The following PPM1H variants were observed in gnomAD, a reference collection of about 807,000 sequenced individuals.
PPM1H encodes the protein protein phosphatase, Mg2+/Mn2+ dependent 1H, also known as protein phosphatase 1H.
Under a neutral mutation model 54.9 loss-of-function variants are expected in PPM1H, and 27 were observed. That is an observed-to-expected ratio of 0.49 (90% confidence interval 0.36 to 0.68). The LOEUF is 0.68. Among genes scored for constraint, PPM1H ranks in the 30% least tolerant of loss-of-function variants. The pLI, the probability that PPM1H is intolerant of heterozygous loss-of-function variation, is 0.00. For missense variants in PPM1H, 596 were observed against 667.8 expected (o/e 0.89, Z 1.19); for synonymous variants, 305 against 270.8 (o/e 1.13, Z -1.24).
intron 8 of PPM1H, among the ~76,000 whole-genome samples, chr12:62,686,144 C>G (rs2076050108): frequency 6.6e-6 from 1 of 152,214 alleles, no homozygotes; most frequent in South Asian, 2.1e-4. Flanking sequence ...TCACCAACCA[C>G]CTGGGATTCT....
chr12:62,740,712 T>G (rs998884468), intron 4 of PPM1H, among the ~76,000 whole-genome samples: 1 of 152,226 alleles, frequency 6.6e-6, no homozygotes, highest in African/African-American at 2.4e-5. Context: ...GCCAGGCCAT[T>G]GTAGGCAGGG....
At chr12:62,800,706 T>C (rs1356941232) in intron 3 of PPM1H, among the ~76,000 whole-genome samples, 1 of 152,244 alleles carries the variant, frequency 6.6e-6, no homozygotes, top group Non-Finnish European at 1.5e-5. Context: ...TATCCTTAAA[T>C]ATCTCTTATT....
At chr12:62,667,152 C>T (rs1009164796) in intron 9 of PPM1H, 26 bp downstream of exon 9, 10 of 1,536,834 alleles carry the variant, frequency 6.5e-6, no homozygotes, top group Non-Finnish European at 8.9e-6. Context: ...TGAGGAACAA[C>T]CCTACAATTG....
chr12:62,674,981 C>G (rs770746184), intron 8 of PPM1H, among the ~76,000 whole-genome samples: 1 of 152,216 alleles, frequency 6.6e-6, no homozygotes, highest in Non-Finnish European at 1.5e-5. Flanking sequence ...TCCTCTGACT[C>G]TCCTCACAGC....
intron 2 of PPM1H, among the ~76,000 whole-genome samples, chr12:62,818,425 T>A (rs957077251): frequency 1.3e-5 from 2 of 151,894 alleles, no homozygotes; most frequent in African/African-American, 4.8e-5. Context: ...TGTGCACAAA[T>A]CTTGAGCTGG....
intron 8 of PPM1H, among the ~76,000 whole-genome samples, chr12:62,685,966 T>C (rs949179181): frequency 9.2e-5 from 14 of 152,258 alleles, no homozygotes; most frequent in African/African-American, 2.9e-4. Context: ...GTTTTATTAT[T>C]ATTGAAACTG....
At chr12:62,675,834 C>T (rs139124104) in intron 8 of PPM1H, among the ~76,000 whole-genome samples, 173 of 152,304 alleles carry the variant, frequency 1.1e-3, no homozygotes, top group Non-Finnish European at 2.1e-3. Context: ...AGTGAGCAAG[C>T]TATTATGCAT....
At chr12:62,676,496 T>C (rs951322016) in intron 8 of PPM1H, among the ~76,000 whole-genome samples, 1 of 152,188 alleles carries the variant, frequency 6.6e-6, no homozygotes, top group Non-Finnish European at 1.5e-5. Context: ...GGCATCCCTA[T>C]GCTCTTGGGT....
chr12:62,672,526 A>C (rs2075962270), intron 8 of PPM1H, among the ~76,000 whole-genome samples: 1 of 152,216 alleles, frequency 6.6e-6, no homozygotes, highest in Non-Finnish European at 1.5e-5. Flanking sequence ...TACCTGTAAG[A>C]GTCTTGATTG....
intron 2 of PPM1H, among the ~76,000 whole-genome samples, chr12:62,817,116 T>TAAAAAAAA (rs1189819660): frequency 2.4e-5 from 1 of 41,756 alleles, no homozygotes; most frequent in Non-Finnish European, 4.6e-5. Flanking sequence ...ACTGCATTAC[T>TAAAAAAAA]AAAAAAAAAA....
intron 4 of PPM1H, among the ~76,000 whole-genome samples, chr12:62,759,624 C>T (rs1475198600): frequency 6.6e-6 from 1 of 152,204 alleles, no homozygotes; most frequent in Non-Finnish European, 1.5e-5. Context: ...TCTGACCACT[C>T]GGGGATGCCT....
chr12:62,699,079 A>C (rs1435349704), intron 6 of PPM1H, among the ~76,000 whole-genome samples: 1 of 152,198 alleles, frequency 6.6e-6, no homozygotes, highest in Non-Finnish European at 1.5e-5. Flanking sequence ...CTAACCACAC[A>C]AGGGGGGTGG....
chr12:62,684,574 A>G (rs2076041187), intron 8 of PPM1H, among the ~76,000 whole-genome samples: 1 of 152,190 alleles, frequency 6.6e-6, no homozygotes, highest in Non-Finnish European at 1.5e-5. Flanking sequence ...GATTTCCAAG[A>G]AGATTTTTGC....
intron 9 of PPM1H, among the ~76,000 whole-genome samples, chr12:62,665,419 T>C (rs909592610): frequency 2.4e-4 from 37 of 152,318 alleles, no homozygotes; most frequent in African/African-American, 8.4e-4. Context: ...AGGTTTAGTA[T>C]TGACAAAAAA....
intron 2 of PPM1H, among the ~76,000 whole-genome samples, chr12:62,828,373 A>G (rs2120842545): frequency 6.6e-6 from 1 of 152,298 alleles, no homozygotes. Context: ...CTAAACCCTG[A>G]GAACATAGGG....
chr12:62,702,544 C>CAGAGAGAGAGAGAGAGAGAG lies in PPM1H; in HGVS notation c.1074-8565_1074-8546dup, dbSNP rs66497730. Reference sequence around the variant, plus strand: ...TCTTCTAAGTCATGACCTTGAGCTACAGAGAGAGAGAGAGAGAGAGAGAGA... The same window carrying CAGAGAGAGAGAGAGAGAGAG: ...TCTTCTAAGTCATGACCTTGAGCTACAGAGAGAGAGAGAGAGAGAGAGAGAGAGAGAGAGAGAGAGAGAGA... On this transcript the variant is annotated intron_variant, in intron 6 of 9. Coordinates refer to ENST00000228705, the MANE Select transcript of PPM1H (RefSeq NM_020700.2). Among the ~76,000 whole-genome samples, 353 of 140,682 alleles carry CAGAGAGAGAGAGAGAGAGAG rather than the reference C, an allele frequency of 2.5e-3. 4 individuals are homozygous for CAGAGAGAGAGAGAGAGAGAG. Among genetic ancestry groups the CAGAGAGAGAGAGAGAGAGAG allele is most frequent in the African/African-American group, 6.9e-3 (251 of 36,288 alleles). The allele number at this position is 140,682 out of a possible 152,430, so 92.3% of individuals were successfully genotyped here.
intron 2 of PPM1H, among the ~76,000 whole-genome samples, chr12:62,815,064 A>G (rs1216182860): frequency 2.6e-5 from 4 of 152,216 alleles, no homozygotes; most frequent in Admixed American, 2.6e-4. Flanking sequence ...GAATAAGCCA[A>G]TGAGGAGGTA....
chr12:62,926,785 T>C (rs13377752), intron 1 of PPM1H, among the ~76,000 whole-genome samples: 1,569 of 152,156 alleles, frequency 0.01, 32 homozygotes, highest in African/African-American at 0.036. Flanking sequence ...AGAAACCCCA[T>C]CTGTACTAAA....
intron 1 of PPM1H, chr12:62,850,654 A>T (rs912156384): frequency 1.3e-5 from 2 of 148,404 alleles, no homozygotes; most frequent in Non-Finnish European, 3.0e-5. Flanking sequence ...GATATATTTT[A>T]AAATATATAT....
Sources: allele counts gnomAD v4.1 joint callset (sites outside exome capture counted in the v4.1 genomes callset), GRCh38; gene constraint gnomAD v4.1.1; transcripts MANE v1.5; gene names NCBI Gene and HGNC (gene_info 2026-07-23, HGNC 2026-07-21).